SPIDR: variants seen among roughly 807,000 people sequenced by gnomAD.
SPIDR encodes DNA repair-scaffolding protein.
Under a neutral mutation model 104.6 loss-of-function variants are expected in SPIDR, and 93 were observed. That is an observed-to-expected ratio of 0.89 (90% CI 0.75 to 1.06). SPIDR has a LOEUF of 1.06. Ranked by LOEUF, SPIDR falls within the 50% of genes least tolerant of loss-of-function variation. SPIDR has a pLI of 0.00. For synonymous variants in SPIDR, 431 were observed against 416.9 expected (o/e 1.03, Z -0.41); for missense variants, 1,154 against 1,111.2 (o/e 1.04, Z -0.55).
intron 8 of SPIDR, among the ~76,000 whole-genome samples, chr8:47,479,529 C>T (rs1372891181): frequency 1.3e-5 from 2 of 152,266 alleles, no homozygotes; most frequent in South Asian, 4.1e-4. Flanking sequence ...AGCTTAGCAG[C>T]ACAGCCCACA....
At chr8:47,432,517 C>T (rs1448420742) in intron 7 of SPIDR, among the ~76,000 whole-genome samples, 2 of 152,054 alleles carry the variant, frequency 1.3e-5, no homozygotes, top group South Asian at 2.1e-4. Context: ...TGGTACTGAT[C>T]CAGGTGCAAC....
chr8:47,431,176 A>G (rs550389332), intron 7 of SPIDR, among the ~76,000 whole-genome samples: 39 of 152,286 alleles, frequency 2.6e-4, no homozygotes, highest in African/African-American at 9.1e-4. Context: ...GTGCTCACAG[A>G]GCCTTTCCCG....
intron 5 of SPIDR, among the ~76,000 whole-genome samples, chr8:47,324,126 G>T (rs1372766641): frequency 1.3e-5 from 2 of 150,982 alleles, no homozygotes; most frequent in Non-Finnish European, 3.0e-5. Context: ...ATGAAATTAA[G>T]TCTTTATAGA....
chr8:47,402,894 C>T (rs145960688), intron 6 of SPIDR, among the ~76,000 whole-genome samples: 1,746 of 152,162 alleles, frequency 0.011, 38 homozygotes, highest in African/African-American at 0.039. Context: ...GGCAGAGACA[C>T]AACAAAAAAA....
chr8:47,404,389 A>T (rs1188580858), intron 6 of SPIDR, among the ~76,000 whole-genome samples: 1 of 152,250 alleles, frequency 6.6e-6, no homozygotes, highest in Non-Finnish European at 1.5e-5. Context: ...ACAGCAAAAG[A>T]AACTACCATC....
chr8:47,424,761 G>C (rs1290137970), intron 7 of SPIDR, among the ~76,000 whole-genome samples: 1 of 152,202 alleles, frequency 6.6e-6, no homozygotes, highest in East Asian at 1.9e-4. Context: ...GAAAGGGAAA[G>C]GTCTTGCTCT....
chr8:47,316,710 C>G (rs185933207), intron 5 of SPIDR, among the ~76,000 whole-genome samples: 1 of 152,098 alleles, frequency 6.6e-6, no homozygotes, highest in Non-Finnish European at 1.5e-5. Context: ...GGATTAATTG[C>G]GAAAAGTCTT....
chr8:47,694,124 ATTTAT>A lies in SPIDR; in HGVS notation c.1686-6278_1686-6274del, dbSNP rs530247702. Among the ~76,000 whole-genome samples the A allele has an allele frequency of 1.6e-3, 241 of 152,360 alleles. 1 individual carries two copies. Among genetic ancestry groups the A allele is most frequent in the African/African-American group, 5.6e-3 (234 of 41,582 alleles). On this transcript the variant is annotated intron_variant, in intron 11 of 19. Transcript: ENST00000297423. ...ATGGAGTTATAGGAAGTGTTACATT[ATTTAT>A]AAATAACCCACATGCATTGACCTAA...
intron 16 of SPIDR, among the ~76,000 whole-genome samples, chr8:47,717,633 A>AGC (rs1270363443): frequency 6.6e-6 from 1 of 152,132 alleles, no homozygotes; most frequent in East Asian, 1.9e-4. Flanking sequence ...GCCTCATGTG[A>AGC]CTTAGTGCAG....
chr8:47,699,414 G>T (rs1318134883), intron 11 of SPIDR, among the ~76,000 whole-genome samples: 1 of 152,176 alleles, frequency 6.6e-6, no homozygotes, highest in East Asian at 1.9e-4. Context: ...CAGGGGCCCT[G>T]CTGTTCCCCA....
At chr8:47,306,467 A>G (rs1229369259) in intron 5 of SPIDR, among the ~76,000 whole-genome samples, 1 of 152,162 alleles carries the variant, frequency 6.6e-6, no homozygotes, top group Admixed American at 6.6e-5. Flanking sequence ...TAAAGGCTGA[A>G]TAATATTCCA....
chr8:47,666,831 TA>T (rs1246065740), intron 10 of SPIDR, among the ~76,000 whole-genome samples: 5 of 152,288 alleles, frequency 3.3e-5, no homozygotes, highest in African/African-American at 1.2e-4. Context: ...AAAATCCCTA[TA>T]AAATTTGAAA....
intron 16 of SPIDR, among the ~76,000 whole-genome samples, chr8:47,723,319 T>C (rs1409662498): frequency 6.6e-6 from 1 of 152,230 alleles, no homozygotes; most frequent in African/African-American, 2.4e-5. Flanking sequence ...AACTGTTTTC[T>C]ATTCATTGAC....
At chr8:47,522,440 G>A (rs1424044378) in intron 8 of SPIDR, among the ~76,000 whole-genome samples, 1 of 152,160 alleles carries the variant, frequency 6.6e-6, no homozygotes, top group Non-Finnish European at 1.5e-5. Flanking sequence ...CCATTTGGTT[G>A]TCAGCAGCAG....
At chr8:47,532,172 C>A in intron 8 of SPIDR, among the ~76,000 whole-genome samples, 1 of 150,752 alleles carries the variant, frequency 6.6e-6, no homozygotes, top group East Asian at 2.0e-4. Flanking sequence ...CAGGTTCAAG[C>A]AATTCTCCTG....
chr8:47,440,274 A>G (rs1554695533), intron 7 of SPIDR, 49 bp from the exon 8 acceptor site: 2 of 1,519,392 alleles, frequency 1.3e-6, no homozygotes, highest in Non-Finnish European at 9.1e-7. Flanking sequence ...CGCTTGAACC[A>G]TCTGTCTTTT....
intron 14 of SPIDR, among the ~76,000 whole-genome samples, chr8:47,708,509 A>T (rs1205924275): frequency 6.6e-6 from 1 of 152,058 alleles, no homozygotes; most frequent in African/African-American, 2.4e-5. Context: ...CAACTAATGA[A>T]CCTGCATTGA....
intron 8 of SPIDR, among the ~76,000 whole-genome samples, chr8:47,583,238 G>A (rs892440630): frequency 6.0e-5 from 9 of 151,132 alleles, no homozygotes; most frequent in Admixed American, 1.3e-4. Flanking sequence ...CCCAGGAGGC[G>A]GAGCGTGCAG....
At chr8:47,408,573 C>T (rs1208196146) in intron 7 of SPIDR, among the ~76,000 whole-genome samples, 2 of 152,166 alleles carry the variant, frequency 1.3e-5, no homozygotes, top group Non-Finnish European at 1.5e-5. Context: ...CCATTGCAGT[C>T]TCTGCTTCTG....
Sources: allele counts gnomAD v4.1 joint callset (sites outside exome capture counted in the v4.1 genomes callset), GRCh38; gene constraint gnomAD v4.1.1; transcripts MANE v1.5; gene names NCBI Gene and HGNC (gene_info 2026-07-23, HGNC 2026-07-21).